Variants in FKBP5 observed in about 807,000 individuals in gnomAD.
The protein encoded by FKBP5 is peptidyl-prolyl cis-trans isomerase FKBP5.
In FKBP5, 23 loss-of-function variants were observed where a neutral mutation model predicts 50.5. That is an observed-to-expected ratio of 0.46 (90% CI 0.33 to 0.65). The LOEUF is 0.65. FKBP5 is among the 30% of genes least tolerant of loss of function. FKBP5 has a pLI of 0.02. For synonymous variants in FKBP5, 176 were observed against 190.6 expected (o/e 0.92, Z 0.63); for missense variants, 411 against 553.1 (o/e 0.74, Z 2.58).
intron 7 of FKBP5, among the ~76,000 whole-genome samples, chr6:35,590,174 C>T (rs1049075601): frequency 1.3e-5 from 2 of 152,044 alleles, no homozygotes; most frequent in Non-Finnish European, 2.9e-5. Flanking sequence ...TAGCGTGTGC[C>T]TGTAGTCCCA....
rs979963172 is a variant in FKBP5 at position 35,584,361 on chromosome 6, TAAACC to T, written c.840+2668_840+2672del. On this transcript the variant is annotated intron_variant, in intron 8 of 10. Transcript: ENST00000357266. The stretch of plus-strand genomic sequence containing the variant: ...GAGAGAGGCTTTACCCATTTAGGTA[TAAACC>T]AAACCAACAGATCAATGGAAACAGA... 1.2e-4 allele frequency: 122 copies of T among 985,448 alleles called. No individual in the cohort carries two copies. In the Admixed American group the frequency reaches 1.7e-3, roughly 13 times the overall value. 61.0% of individuals were successfully genotyped at this position (985,448 alleles called of 1,614,324 possible).
At chr6:35,684,223 G>A (rs1197212756) in intron 1 of FKBP5, among the ~76,000 whole-genome samples, 2 of 150,276 alleles carry the variant, frequency 1.3e-5, no homozygotes, top group Non-Finnish European at 3.0e-5. Flanking sequence ...CTGTTGTCCA[G>A]GCTGGAGTAC....
chr6:35,599,299 A>G (rs1000275664), intron 5 of FKBP5, among the ~76,000 whole-genome samples: 2 of 152,136 alleles, frequency 1.3e-5, no homozygotes, highest in Non-Finnish European at 2.9e-5. Context: ...ATCACTCTCA[A>G]TATCAATATA....
In FKBP5 at chr6:35,574,340, T is replaced by C. The variant is rs1333615078; in HGVS notation, c.*1495A>G. The C allele has an allele frequency of 6.6e-6, 1 of 152,222 alleles. No individual in the cohort carries two copies. Among genetic ancestry groups the C allele is most frequent in the Non-Finnish European group, 1.5e-5 (1 of 68,040 alleles). 9.4% of individuals were successfully genotyped at this position (152,222 alleles called of 1,614,324 possible). On this transcript the variant is annotated 3_prime_UTR_variant, in exon 11 of 11. Coordinates refer to ENST00000357266, the MANE Select transcript of FKBP5 (RefSeq NM_004117.4). ...ATTTAAAATATAACTGCCAGTGTTT[T>C]TTAGGATTTAAAAAGGTGAGATGTT...
chr6:35,655,522 A>G (rs1018671906), intron 1 of FKBP5, among the ~76,000 whole-genome samples: 22 of 152,338 alleles, frequency 1.4e-4, no homozygotes, highest in African/African-American at 4.8e-4. Flanking sequence ...AACATATGAG[A>G]AAAGTCTATA....
intron 6 of FKBP5, 134 bp from the exon 7 acceptor site, chr6:35,591,354 T>G: frequency 1.7e-6 from 1 of 595,174 alleles, no homozygotes; most frequent in South Asian, 2.1e-5. Flanking sequence ...ACAAACCAGA[T>G]GTTGACCAGA....
intron 1 of FKBP5, among the ~76,000 whole-genome samples, chr6:35,644,031 T>C (rs541931904): frequency 6.6e-6 from 1 of 152,348 alleles, no homozygotes; most frequent in Non-Finnish European, 1.5e-5. Context: ...ATTTTTTCCT[T>C]ACCTATGTGA....
chr6:35,637,892 C>T (rs1040420807), intron 2 of FKBP5, among the ~76,000 whole-genome samples: 8 of 152,134 alleles, frequency 5.3e-5, no homozygotes, highest in Non-Finnish European at 1.2e-4. Flanking sequence ...TTATTTCCCT[C>T]CTTTGCTAAA....
intron 8 of FKBP5, 200 bp from the exon 9 acceptor site, chr6:35,580,421 T>G (rs1276051823): frequency 1.8e-6 from 1 of 546,972 alleles, no homozygotes; most frequent in Non-Finnish European, 3.2e-6. Flanking sequence ...GGGCAGTGCC[T>G]GAGCACTGCC....
chr6:35,584,390 G>T, intron 8 of FKBP5: 1 of 985,448 alleles, frequency 1.0e-6, no homozygotes, highest in Non-Finnish European at 1.2e-6. Context: ...AATGGAAACA[G>T]AATTCCAATA....
intron 5 of FKBP5, among the ~76,000 whole-genome samples, chr6:35,606,409 GC>G (rs1763315492): frequency 6.6e-6 from 1 of 151,992 alleles, no homozygotes; most frequent in Non-Finnish European, 1.5e-5. Context: ...TTTAATCCCA[GC>G]ACTTTGGGAG....
intron 1 of FKBP5, among the ~76,000 whole-genome samples, chr6:35,648,381 C>T (rs1581849993): frequency 1.3e-5 from 2 of 152,030 alleles, no homozygotes; most frequent in East Asian, 3.9e-4. Flanking sequence ...GCAATCCTCC[C>T]CTTCAGCCAC....
intron 3 of FKBP5, among the ~76,000 whole-genome samples, chr6:35,630,707 T>C (rs928151666): frequency 5.3e-5 from 8 of 152,340 alleles, no homozygotes; most frequent in Non-Finnish European, 1.2e-4. Flanking sequence ...TGCCACTTAC[T>C]GTATAGCCTT....
intron 2 of FKBP5, among the ~76,000 whole-genome samples, chr6:35,704,676 ATACT>A (rs758651477): frequency 2.9e-4 from 44 of 151,528 alleles, no homozygotes; most frequent in Non-Finnish European, 5.6e-4. Context: ...AGGTACAAAA[ATACT>A]TACTGTTTGC....
intron 9 of FKBP5, among the ~76,000 whole-genome samples, chr6:35,578,682 C>T (rs997279161): frequency 2.7e-5 from 4 of 150,596 alleles, no homozygotes; most frequent in Non-Finnish European, 4.4e-5. Context: ...GCAGGAGAAT[C>T]GCTTGAACTC....
At chr6:35,681,834 G>T (rs1455831470) in intron 1 of FKBP5, among the ~76,000 whole-genome samples, 3 of 152,100 alleles carry the variant, frequency 2.0e-5, no homozygotes. Flanking sequence ...TTATACATAT[G>T]TGTAATATAT....
intron 1 of FKBP5, among the ~76,000 whole-genome samples, chr6:35,724,155 G>A (rs115034186): frequency 1.2e-4 from 18 of 152,312 alleles, no homozygotes; most frequent in African/African-American, 4.3e-4. Context: ...AAGAGAGGCC[G>A]TGTCACTGTC....
intron 5 of FKBP5, among the ~76,000 whole-genome samples, chr6:35,605,906 CA>C (rs1262327178): frequency 4.6e-5 from 7 of 152,214 alleles, no homozygotes; most frequent in Non-Finnish European, 8.8e-5. Context: ...TCACCATATA[CA>C]AAAACAAACT....
intron 5 of FKBP5, among the ~76,000 whole-genome samples, chr6:35,611,969 T>C (rs1050818826): frequency 4.6e-5 from 7 of 152,216 alleles, no homozygotes; most frequent in East Asian, 1.9e-4. Context: ...AAATGTGATT[T>C]AGATAAGATT....
Sources: allele counts gnomAD v4.1 joint callset (sites outside exome capture counted in the v4.1 genomes callset), GRCh38; gene constraint gnomAD v4.1.1; transcripts MANE v1.5; gene names NCBI Gene and HGNC (gene_info 2026-07-23, HGNC 2026-07-21).